DNAH9: variants seen among roughly 807,000 people sequenced by gnomAD.
DNAH9 encodes dynein axonemal heavy chain 9.
In DNAH9, 345 loss-of-function variants were observed where a neutral mutation model predicts 471.6. That is an observed-to-expected ratio of 0.73 (90% CI 0.67 to 0.80). The LOEUF (loss-of-function observed/expected upper bound fraction) is 0.80. Ranked by LOEUF, DNAH9 falls within the 30% of genes least tolerant of loss-of-function variation. The probability of loss-of-function intolerance (pLI) is 0.00; values close to 1 mark genes in which losing one functional copy is unlikely to be tolerated. For synonymous variants in DNAH9, 2,093 were observed against 2,123.6 expected (o/e 0.99, Z 0.40); for missense variants, 5,407 against 5,609.2 (o/e 0.96, Z 1.15).
intron 26 of DNAH9, among the ~76,000 whole-genome samples, chr17:11,712,275 T>A (rs938335641): frequency 4.0e-5 from 6 of 150,194 alleles, no homozygotes; most frequent in South Asian, 2.1e-4. Context: ...GGTTATTTTT[T>A]AATTTCTGAA....
intron 35 of DNAH9, among the ~76,000 whole-genome samples, chr17:11,762,766 TTTTG>T (rs1555584614): frequency 1.3e-4 from 11 of 87,230 alleles, no homozygotes; most frequent in Admixed American, 2.6e-4. Flanking sequence ...GCGTTTTTTT[TTTTG>T]TTTTTTTTTT....
chr17:11,803,344 C>A (rs924153539), intron 43 of DNAH9, among the ~76,000 whole-genome samples: 1 of 152,082 alleles, frequency 6.6e-6, no homozygotes, highest in African/African-American at 2.4e-5. Flanking sequence ...AGATGTACTT[C>A]TTTTGTGCCC....
At chr17:11,695,892 A>G (rs543840255) in intron 22 of DNAH9, among the ~76,000 whole-genome samples, 1 of 152,318 alleles carries the variant, frequency 6.6e-6, no homozygotes, top group Non-Finnish European at 1.5e-5. Context: ...TTTGTTATTC[A>G]TTTAAAGAAT....
chr17:11,888,113 G>T (rs1972936692), intron 57 of DNAH9, among the ~76,000 whole-genome samples: 1 of 151,812 alleles, frequency 6.6e-6, no homozygotes, highest in African/African-American at 2.4e-5. Context: ...CTCCCGAGTA[G>T]CTGGGACTAC....
intron 61 of DNAH9, among the ~76,000 whole-genome samples, chr17:11,911,157 T>C (rs993818968): frequency 1.3e-5 from 2 of 152,220 alleles, no homozygotes; most frequent in Admixed American, 1.3e-4. Context: ...TCTTCCAAGA[T>C]TTTTACTTTT....
chr17:11,832,001 T>A lies in DNAH9; in HGVS notation c.9247-2637T>A, dbSNP rs533110588. ...AGGGAAAGGGTCTCTTCTGTGTTTATGGCATGCTCCCTCTCAACCTTCCCA... is the reference window on the plus strand; with the variant it reads ...AGGGAAAGGGTCTCTTCTGTGTTTAAGGCATGCTCCCTCTCAACCTTCCCA... On this transcript the variant is annotated intron_variant, in intron 48 of 68. Transcript: ENST00000262442. 3.7e-4 allele frequency among the ~76,000 whole-genome samples: 57 copies of A among 152,358 alleles called. No homozygotes were observed. The South Asian group carries it at 0.012, about 31-fold the overall frequency.
intron 7 of DNAH9, among the ~76,000 whole-genome samples, chr17:11,631,049 C>T (rs2073056222): frequency 6.6e-6 from 1 of 152,102 alleles, no homozygotes; most frequent in African/African-American, 2.4e-5. Context: ...AGTGAAGCCA[C>T]AGCCTGGGTT....
chr17:11,850,034 G>A (rs998674319), intron 49 of DNAH9, among the ~76,000 whole-genome samples: 1 of 152,182 alleles, frequency 6.6e-6, no homozygotes, highest in Non-Finnish European at 1.5e-5. Context: ...TCTAGCAGAA[G>A]TAAGGGGCAA....
chr17:11,720,694 C>G (rs144359112), intron 27 of DNAH9, among the ~76,000 whole-genome samples: 125 of 152,282 alleles, frequency 8.2e-4, no homozygotes, highest in Middle Eastern at 3.4e-3. Context: ...GATTCATCCT[C>G]TATAATTTAA....
chr17:11,796,800 G>C (rs1969259125), intron 42 of DNAH9, among the ~76,000 whole-genome samples: 1 of 152,202 alleles, frequency 6.6e-6, no homozygotes, highest in Non-Finnish European at 1.5e-5. Context: ...GGTTTTGACA[G>C]GCAAGTAGTT....
chr17:11,642,017 T>C (rs751900428), intron 10 of DNAH9, among the ~76,000 whole-genome samples: 8 of 151,914 alleles, frequency 5.3e-5, no homozygotes, highest in Admixed American at 1.3e-4. Context: ...GGCGTGACCT[T>C]TGGGTGAGGC....
chr17:11,898,269 C>T (rs889076220), intron 59 of DNAH9, among the ~76,000 whole-genome samples: 6 of 152,096 alleles, frequency 3.9e-5, no homozygotes, highest in East Asian at 1.9e-4. Context: ...GGATTACCGG[C>T]GTGCGCCACC....
intron 56 of DNAH9, among the ~76,000 whole-genome samples, 165 bp downstream of exon 56, chr17:11,883,915 C>G (rs1326467082): frequency 6.6e-6 from 1 of 152,172 alleles, no homozygotes; most frequent in Non-Finnish European, 1.5e-5. Flanking sequence ...GGCAGGACTC[C>G]TGAAGTGACT....
At chr17:11,836,074 A>C (rs1289440947) in intron 49 of DNAH9, among the ~76,000 whole-genome samples, 3 of 152,288 alleles carry the variant, frequency 2.0e-5, no homozygotes, top group African/African-American at 7.2e-5. Context: ...TCCATATTTC[A>C]TGTGAAAAGG....
chr17:11,915,246 C>A (rs867303203), intron 61 of DNAH9, among the ~76,000 whole-genome samples: 63 of 152,098 alleles, frequency 4.1e-4, no homozygotes, highest in African/African-American at 1.4e-3. Flanking sequence ...GACTTCCCAG[C>A]TGGGTGCAGT....
chr17:11,857,407 A>T (rs912849439), intron 50 of DNAH9, among the ~76,000 whole-genome samples: 1 of 152,148 alleles, frequency 6.6e-6, no homozygotes, highest in African/African-American at 2.4e-5. Context: ...CCTGCTAATA[A>T]CACAGGAGAT....
intron 50 of DNAH9, among the ~76,000 whole-genome samples, chr17:11,861,041 T>TTA (rs1555610958): frequency 2.0e-5 from 3 of 151,458 alleles, no homozygotes; most frequent in African/African-American, 4.9e-5. Context: ...TTTTTTTTTT[T>TTA]ATACTTTAAG....
At chr17:11,607,762 T>G (rs2072541006) in intron 1 of DNAH9, among the ~76,000 whole-genome samples, 1 of 151,620 alleles carries the variant, frequency 6.6e-6, no homozygotes, top group Admixed American at 6.6e-5. Context: ...TAGAGATGGG[T>G]TTTTGCCATG....
intron 45 of DNAH9, among the ~76,000 whole-genome samples, chr17:11,815,020 A>G (rs1338669144): frequency 2.0e-5 from 3 of 152,114 alleles, no homozygotes; most frequent in Non-Finnish European, 2.9e-5. Flanking sequence ...CTGATCCTCT[A>G]AGACATACTT....
Sources: allele counts gnomAD v4.1 joint callset (sites outside exome capture counted in the v4.1 genomes callset), GRCh38; gene constraint gnomAD v4.1.1; transcripts MANE v1.5; gene names NCBI Gene and HGNC (gene_info 2026-07-23, HGNC 2026-07-21).